RTCA: variants seen among roughly 807,000 people sequenced by gnomAD.
RTCA encodes the protein RNA 3'-terminal phosphate cyclase.
In RTCA, 37 loss-of-function variants were observed where a neutral mutation model predicts 46.1. The ratio of observed to expected loss-of-function variants is 0.80; its 90% CI spans 0.62 to 1.06. The LOEUF (loss-of-function observed/expected upper bound fraction) is 1.06. RTCA is among the 50% of genes least tolerant of loss of function. The pLI is 0.00. For missense variants in RTCA, 435 were observed against 455.5 expected (o/e 0.95, Z 0.41); for synonymous variants, 164 against 158.3 (o/e 1.04, Z -0.27).
intron 8 of RTCA, among the ~76,000 whole-genome samples, chr1:100,277,804 G>GC (rs969633812): frequency 8.0e-5 from 12 of 149,758 alleles, no homozygotes; most frequent in Admixed American, 3.3e-4. Context: ...TTTTTTTTTG[G>GC]GGGGGGGCAC....
intron 9 of RTCA, among the ~76,000 whole-genome samples, chr1:100,286,454 C>CAAAAAAAAAAAAAAAA (rs754851046): frequency 1.5e-4 from 7 of 45,306 alleles, no homozygotes; most frequent in East Asian, 6.8e-4. Context: ...GACTCCGTCT[C>CAAAAAAAAAAAAAAAA]AAAAAAAAAA....
chr1:100,270,445 A>G (rs911421661), intron 3 of RTCA, 112 bp from the exon 4 acceptor site: 15 of 1,296,048 alleles, frequency 1.2e-5, no homozygotes, highest in East Asian at 2.4e-5. Flanking sequence ...CTGCCTTCAC[A>G]GTTGTCTGTG....
chr1:100,283,512 C>T (rs571014202), intron 8 of RTCA, among the ~76,000 whole-genome samples: 50 of 152,184 alleles, frequency 3.3e-4, no homozygotes, highest in African/African-American at 1.1e-3. Flanking sequence ...CTTCTAGTCC[C>T]AAGCATTTCA....
intron 10 of RTCA, among the ~76,000 whole-genome samples, chr1:100,290,715 G>A (rs181214647): frequency 6.6e-6 from 1 of 152,178 alleles, no homozygotes; most frequent in Non-Finnish European, 1.5e-5. Flanking sequence ...GCAGTGAGCC[G>A]TGTTCATGCC....
chr1:100,287,022 T>C, intron 9 of RTCA, 77 bp from the exon 10 acceptor site: 1 of 978,838 alleles, frequency 1.0e-6, no homozygotes, highest in Non-Finnish European at 1.5e-6. Flanking sequence ...GTAGTATTTT[T>C]ATTATGGGCA....
intron 8 of RTCA, among the ~76,000 whole-genome samples, chr1:100,279,438 G>A (rs768821247): frequency 2.2e-4 from 33 of 152,264 alleles, no homozygotes; most frequent in Non-Finnish European, 4.0e-4. Flanking sequence ...GAAGTTAGCT[G>A]GATAGAAAAG....
intron 2 of RTCA, chr1:100,267,558 C>A: frequency 6.5e-7 from 1 of 1,542,710 alleles, no homozygotes; most frequent in Non-Finnish European, 8.8e-7. Context: ...CTCTGAGAGC[C>A]ATGAGAAAAG....
chr1:100,280,097 A>G lies in RTCA; in HGVS notation c.799+2781A>G, dbSNP rs565130233. ...CTGGGCTAGAGAGGTGAATACTGAT[A>G]AAAGGGTATTTGCAAAGGTGAATGG... On this transcript the variant is annotated intron_variant, in intron 8 of 10. Transcript: ENST00000370128. Among the ~76,000 whole-genome samples, 14 of 152,366 alleles carry G rather than the reference A, an allele frequency of 9.2e-5. No homozygotes were observed. In the South Asian group the frequency reaches 2.9e-3, roughly 32 times the overall value.
Position 100,268,247 on chromosome 1 carries a change from CAGAGA to C in RTCA, c.246_250del (p.Glu82AspfsTer43). 1 of 1,614,054 alleles carries C rather than the reference CAGAGA, an allele frequency of 6.2e-7. No homozygotes were observed. Among genetic ancestry groups the C allele is most frequent in the Non-Finnish European group, 8.5e-7 (1 of 1,180,000 alleles). Reference sequence around the variant, plus strand: ...GGCTCAACAGAAATAACCTTTACACCAGAGAAGATCAAAGGTGGAATCCACACAGC... The same window carrying C: ...GGCTCAACAGAAATAACCTTTACACCAGATCAAAGGTGGAATCCACACAGC... On this transcript the variant is annotated frameshift_variant, in exon 3 of 11. Transcript: ENST00000370128. LOFTEE classifies it high-confidence loss of function.
At position 100,268,132 on chromosome 1, in the gene RTCA, T is replaced by G; in HGVS notation, c.147-20T>G. 3 of 1,613,010 alleles carry G rather than the reference T, an allele frequency of 1.9e-6. No homozygotes were observed. The highest frequency in any genetic ancestry group is 1.7e-6 in the Non-Finnish European group (2 of 1,179,308). On this transcript the variant is annotated intron_variant, in intron 2 of 10. Transcript: ENST00000370128. ...GGCAGTCTGAATGCACACGTTTTGATGCAGTATTATGACCTGAAGGCCTCA... is the reference window on the plus strand; with the variant it reads ...GGCAGTCTGAATGCACACGTTTTGAGGCAGTATTATGACCTGAAGGCCTCA...
At chr1:100,268,956 A>T (rs1410416870) in intron 3 of RTCA, among the ~76,000 whole-genome samples, 2 of 151,802 alleles carry the variant, frequency 1.3e-5, no homozygotes, top group African/African-American at 4.8e-5. Flanking sequence ...TGGGAGGCCG[A>T]GGTGGGTGGA....
intron 4 of RTCA, among the ~76,000 whole-genome samples, chr1:100,271,940 G>T (rs998548042): frequency 6.6e-6 from 1 of 152,166 alleles, no homozygotes; most frequent in Non-Finnish European, 1.5e-5. Flanking sequence ...AATACTGTAC[G>T]TAGGCTTTGA....
At chr1:100,269,492 C>T (rs1260333320) in intron 3 of RTCA, among the ~76,000 whole-genome samples, 1 of 151,106 alleles carries the variant, frequency 6.6e-6, no homozygotes, top group Admixed American at 6.6e-5. Flanking sequence ...CACCACAATG[C>T]CTGGTTAATT....
chr1:100,286,344 C>G (rs908352595), intron 9 of RTCA, among the ~76,000 whole-genome samples: 2 of 150,472 alleles, frequency 1.3e-5, no homozygotes, highest in Non-Finnish European at 2.9e-5. Context: ...GTCGTAGCTA[C>G]TCGGGAGGCT....
At chr1:100,280,500 A>G (rs189904185) in intron 8 of RTCA, among the ~76,000 whole-genome samples, 55 of 152,322 alleles carry the variant, frequency 3.6e-4, no homozygotes, top group Admixed American at 1.6e-3. Flanking sequence ...GGAGAGAGCA[A>G]CATGCCTGCT....
At chr1:100,280,609 C>T (rs1666657149) in intron 8 of RTCA, among the ~76,000 whole-genome samples, 1 of 152,202 alleles carries the variant, frequency 6.6e-6, no homozygotes, top group Non-Finnish European at 1.5e-5. Flanking sequence ...GTGGTCTTCT[C>T]AATCCAGCTT....
rs1666040184 is a variant in RTCA at position 100,270,685 on chromosome 1, G to C, written c.414+5G>C. 6.2e-7 allele frequency: 1 copy of C among 1,613,108 alleles called. No homozygotes were observed. The highest frequency in any genetic ancestry group is 1.3e-5 in the African/African-American group (1 of 74,968). On this transcript the variant is annotated splice_donor_5th_base_variant and intron_variant, in intron 4 of 10. Transcript: ENST00000370128. ...CAGATCGATTATACAGTGATGGTAA[G>C]GGCTTTTGTTGTTGACAAACTAAGA...
chr1:100,285,163 G>T, intron 8 of RTCA, 65 bp from the exon 9 acceptor site: 1 of 1,417,558 alleles, frequency 7.1e-7, no homozygotes. Flanking sequence ...CAAACTTTTT[G>T]TCTCTTAGTA....
At chr1:100,285,170 A>G in intron 8 of RTCA, 58 bp from the exon 9 acceptor site, 3 of 1,426,506 alleles carry the variant, frequency 2.1e-6, no homozygotes, top group Non-Finnish European at 2.9e-6. Flanking sequence ...TTTGTCTCTT[A>G]GTAATTAGTT....
Sources: gnomAD v4.1 joint callset for allele counts (sites outside exome capture counted in the v4.1 genomes callset) on GRCh38, gnomAD v4.1.1 for gene constraint, MANE v1.5 for transcripts, NCBI Gene and HGNC (gene_info 2026-07-23, HGNC 2026-07-21) for gene names.